KCNC2: variants seen among roughly 807,000 people sequenced by gnomAD.
KCNC2 encodes the protein potassium voltage-gated channel subfamily C member 2.
In KCNC2, 21 loss-of-function variants were observed where a neutral mutation model predicts 44.5. The ratio of observed to expected loss-of-function variants is 0.47; its 90% confidence interval spans 0.33 to 0.68. The LOEUF (loss-of-function observed/expected upper bound fraction) is 0.68, where lower values mean the gene tolerates loss of function less well. KCNC2 is among the 30% of genes least tolerant of loss of function. The pLI, the probability that KCNC2 is intolerant of heterozygous loss-of-function variation, is 0.01. For synonymous variants in KCNC2, 391 were observed against 339.1 expected, an observed-to-expected ratio of 1.15 and a Z score of -1.68; for missense variants, 589 against 826.2, an observed-to-expected ratio of 0.71 and a Z score of 3.52.
At chr12:75,178,109 C>A (rs1177680005) in intron 2 of KCNC2, among the ~76,000 whole-genome samples, 1 of 151,912 alleles carries the variant, frequency 6.6e-6, no homozygotes, top group Non-Finnish European at 1.5e-5. Context: ...AATTTACACC[C>A]AGGAAAATAC....
chr12:75,109,255 T>C (rs1887033360), intron 2 of KCNC2, among the ~76,000 whole-genome samples: 1 of 152,190 alleles, frequency 6.6e-6, no homozygotes, highest in South Asian at 2.1e-4. Context: ...AAAGACAACA[T>C]GTCTTGAACT....
At chr12:75,048,118 G>T in intron 4 of KCNC2, 35 bp downstream of exon 4, 1 of 1,586,318 alleles carries the variant, frequency 6.3e-7, no homozygotes, top group Non-Finnish European at 8.6e-7. Context: ...TTATTGCTAA[G>T]TCACCTGTTA....
At chr12:75,046,660 G>A (rs1341694006) in intron 4 of KCNC2, among the ~76,000 whole-genome samples, 1 of 151,738 alleles carries the variant, frequency 6.6e-6, no homozygotes, top group Non-Finnish European at 1.5e-5. Context: ...CTATGATAGT[G>A]TATTCACTCT....
In KCNC2 at chr12:75,207,905, T is replaced by G; in HGVS notation, c.79A>C (p.Lys27Gln). The G allele has an allele frequency of 1.2e-6, 2 of 1,612,884 alleles. No homozygotes were observed. Among genetic ancestry groups the G allele is most frequent in the Non-Finnish European group, 1.7e-6 (2 of 1,179,932 alleles). The part of the protein sequence containing the change: ...TRHETYRSTL[K>Q]TLPGTRLALL... ...GCCAGGCGTGTTCCAGGCAGGGTCTTGAGGGTGCTGCGGTAGGTTTCGTGC... is the reference window on the plus strand; with the variant it reads ...GCCAGGCGTGTTCCAGGCAGGGTCTGGAGGGTGCTGCGGTAGGTTTCGTGC... The change falls in exon 2 of 5, where the codon AAG becomes CAG. Residue 27 changes from lysine to glutamine, a missense_variant. Lys to Gln is a moderately conservative substitution (Grantham distance 53). Coordinates refer to ENST00000549446, the MANE Select transcript of KCNC2 (RefSeq NM_139137.4). The surrounding 1 kb of genome is among the most constrained non-coding windows in gnomAD (Gnocchi z 4.1).
Position 75,160,962 on chromosome 12 carries a change from G to A in KCNC2, c.687+46335C>T, listed in dbSNP as rs143390948. On this transcript the variant is annotated intron_variant, in intron 2 of 4. Coordinates refer to ENST00000549446, the MANE Select transcript of KCNC2 (RefSeq NM_139137.4). The stretch of plus-strand genomic sequence containing the variant: ...ACAAATTGAAAAGATTATGTGTTTT[G>A]TGTGTATACTTAAAGAGAAACTACA... Among the ~76,000 whole-genome samples the A allele has an allele frequency of 2.1e-3, 313 of 151,846 alleles. 4 individuals carry two copies. In the East Asian group the frequency reaches 0.044, roughly 21 times the overall value.
At chr12:75,056,463 TAA>T (rs1459523392) in intron 2 of KCNC2, among the ~76,000 whole-genome samples, 1 of 151,998 alleles carries the variant, frequency 6.6e-6, no homozygotes, top group East Asian at 1.9e-4. Context: ...TAATTTTACA[TAA>T]GTTGCATTAT....
intron 2 of KCNC2, among the ~76,000 whole-genome samples, chr12:75,082,772 C>T (rs1196329498): frequency 6.6e-6 from 1 of 151,296 alleles, no homozygotes; most frequent in African/African-American, 2.4e-5. Flanking sequence ...TGAATGAAAA[C>T]AATAAGGTTA....
At chr12:75,187,299 T>C (rs949171991) in intron 2 of KCNC2, among the ~76,000 whole-genome samples, 2 of 152,226 alleles carry the variant, frequency 1.3e-5, no homozygotes, top group Non-Finnish European at 2.9e-5. Flanking sequence ...GAAGAACACA[T>C]TTCTGCTCTA....
At chr12:75,067,853 C>T (rs1202813335) in intron 2 of KCNC2, among the ~76,000 whole-genome samples, 2 of 151,898 alleles carry the variant, frequency 1.3e-5, no homozygotes, top group African/African-American at 2.4e-5. Context: ...TCCCCCACTC[C>T]TTACAGACTA....
chr12:75,116,294 A>C (rs1887655554), intron 2 of KCNC2, among the ~76,000 whole-genome samples: 1 of 152,154 alleles, frequency 6.6e-6, no homozygotes, highest in African/African-American at 2.4e-5. Flanking sequence ...CAGCTGGGAA[A>C]TCTCATACTC....
chr12:75,059,869 T>G (rs1228436524), intron 2 of KCNC2, among the ~76,000 whole-genome samples: 1 of 152,140 alleles, frequency 6.6e-6, no homozygotes, highest in Admixed American at 6.6e-5. Flanking sequence ...TCTAGGTCTA[T>G]TGCTTAAATA....
chr12:75,093,662 T>C (rs879141886), intron 2 of KCNC2, among the ~76,000 whole-genome samples: 1 of 151,678 alleles, frequency 6.6e-6, no homozygotes, highest in Non-Finnish European at 1.5e-5. Context: ...CATTTAGATA[T>C]GCTGATCTTA....
chr12:75,061,440 G>A (rs989715366), intron 2 of KCNC2, among the ~76,000 whole-genome samples: 1 of 151,976 alleles, frequency 6.6e-6, no homozygotes, highest in African/African-American at 2.4e-5. Context: ...AGATAAAAAC[G>A]TCTATTGGAT....
chr12:75,058,511 T>C (rs1183069738), intron 2 of KCNC2, among the ~76,000 whole-genome samples: 1 of 151,988 alleles, frequency 6.6e-6, no homozygotes, highest in Non-Finnish European at 1.5e-5. Context: ...TCCAAAAATA[T>C]TTGTTTTTAC....
intron 1 of KCNC2, among the ~76,000 whole-genome samples, chr12:75,208,492 C>A (rs2031893751): frequency 6.6e-6 from 1 of 151,768 alleles, no homozygotes; most frequent in Non-Finnish European, 1.5e-5. Context: ...CCTCCTCTTT[C>A]TCCCCTTCCC....
intron 2 of KCNC2, among the ~76,000 whole-genome samples, chr12:75,152,039 A>G (rs1209110238): frequency 6.9e-6 from 1 of 144,920 alleles, no homozygotes. Flanking sequence ...AGGTTAAGAA[A>G]GCACTCAATA....
chr12:75,192,980 A>G (rs2030430882), intron 2 of KCNC2, among the ~76,000 whole-genome samples: 1 of 152,204 alleles, frequency 6.6e-6, no homozygotes, highest in Non-Finnish European at 1.5e-5. Flanking sequence ...GTTATTTTAC[A>G]TTGTAAATAT....
chr12:75,092,158 T>C (rs1367735057), intron 2 of KCNC2, among the ~76,000 whole-genome samples: 1 of 151,594 alleles, frequency 6.6e-6, no homozygotes, highest in African/African-American at 2.4e-5. Flanking sequence ...TCATCCCCTA[T>C]ATAACTCCTA....
intron 2 of KCNC2, among the ~76,000 whole-genome samples, chr12:75,131,905 G>A (rs186836022): frequency 5.3e-5 from 8 of 152,252 alleles, no homozygotes; most frequent in Admixed American, 2.0e-4. Flanking sequence ...CCAGCTTTGC[G>A]TGGACTTCTG....
Sources: gnomAD v4.1 joint callset for allele counts (sites outside exome capture counted in the v4.1 genomes callset) on GRCh38, gnomAD v4.1.1 for gene constraint, Gnocchi (gnomAD v3.1) non-coding constraint, MANE v1.5 for transcripts, NCBI Gene and HGNC (gene_info 2026-07-23, HGNC 2026-07-21) for gene names.